Variants in ADGRE3 observed in about 807,000 individuals in gnomAD.
The protein encoded by ADGRE3 is adhesion G protein-coupled receptor E3.
ADGRE3 carries 88 observed loss-of-function variants against 80.1 expected under a neutral mutation model. That is an observed-to-expected ratio of 1.10 (90% CI 0.93 to 1.31). ADGRE3 has a LOEUF of 1.31. Among genes scored for constraint, ADGRE3 ranks in the 40% most tolerant of loss-of-function variants. The pLI, the probability that ADGRE3 is intolerant of heterozygous loss-of-function variation, is 0.00. For synonymous variants in ADGRE3, 281 were observed against 294.8 expected (o/e 0.95, Z 0.48); for missense variants, 715 against 776.5 (o/e 0.92, Z 0.94).
chr19:14,662,248 G>T (rs62124057), intron 3 of ADGRE3, 130 bp from the exon 4 acceptor site: 38,874 of 826,936 alleles, frequency 0.047, 1,141 homozygotes, highest in Non-Finnish European at 0.057. Flanking sequence ...TTTAGGTAAT[G>T]GTTATCTTGG....
intron 3 of ADGRE3, among the ~76,000 whole-genome samples, chr19:14,662,417 G>A (rs1413378891): frequency 2.0e-5 from 3 of 152,138 alleles, no homozygotes; most frequent in African/African-American, 4.8e-5. Context: ...ACGGAGTCTT[G>A]CTCTGTCATC....
the ADGRE3 span, among the ~76,000 whole-genome samples, chr19:14,605,894 A>G: frequency 6.6e-6 from 1 of 151,996 alleles, no homozygotes; most frequent in South Asian, 2.1e-4. Flanking sequence ...ACGCACCACC[A>G]CGTCTGGCTA....
At chr19:14,606,984 T>TATTTGCA in the ADGRE3 span, 2 of 1,269,296 alleles carry the variant, frequency 1.6e-6, no homozygotes, top group African/African-American at 3.1e-5. Flanking sequence ...ATGGAATTTT[T>TATTTGCA]ATTTGCAGAA....
intron 10 of ADGRE3, among the ~76,000 whole-genome samples, chr19:14,640,728 G>A (rs6511948): frequency 0.49 from 74,637 of 151,938 alleles, 18,635 homozygotes; most frequent in Non-Finnish European, 0.53. Context: ...ATGTTGTGGG[G>A]AGGACCCGGT....
downstream of ADGRE3, among the ~76,000 whole-genome samples, chr19:14,614,911 G>A (rs1404632500): frequency 9.7e-5 from 14 of 144,378 alleles, no homozygotes; most frequent in Non-Finnish European, 1.5e-4. Flanking sequence ...TTAAAGACAG[G>A]GTCTCACTCT....
chr19:14,640,072 G>A (rs1249410669), intron 10 of ADGRE3, among the ~76,000 whole-genome samples: 1 of 152,144 alleles, frequency 6.6e-6, no homozygotes, highest in Non-Finnish European at 1.5e-5. Flanking sequence ...ACATAAGTGA[G>A]ATCATGCACT....
In ADGRE3 at chr19:14,620,560, ATATATATATTTTTTTTTTT is replaced by A. The variant is rs1970564851; in HGVS notation, c.1921-1108_1921-1090del. Reference sequence around the variant, plus strand: ...TTTTATATATATATTATATATATATATATATATATTTTTTTTTTTTTTTTTTTTTTTTTTTTTGAGACAG... The same window carrying A: ...TTTTATATATATATTATATATATATATTTTTTTTTTTTTTTTTTGAGACAG... On this transcript the variant is annotated intron_variant, in intron 15 of 15. Coordinates refer to ENST00000253673, the MANE Select transcript of ADGRE3 (RefSeq NM_032571.5). Among the ~76,000 whole-genome samples, 16 of 23,690 alleles carry A rather than the reference ATATATATATTTTTTTTTTT, an allele frequency of 6.8e-4. 2 individuals carry two copies. The highest frequency in any genetic ancestry group is 9.0e-4 in the Non-Finnish European group (12 of 13,314). The allele number at this position is 23,690 out of a possible 152,430, so 15.5% of individuals were successfully genotyped here.
In ADGRE3 at chr19:14,644,171, A is replaced by G. The variant is rs1971333931; in HGVS notation, c.987T>C (p.Ser329=). Residue 329 remains serine, a synonymous_variant, in exon 9 of 16, where the codon AGT becomes AGC. Transcript: ENST00000253673. ...DGCFLIHVNK[S]HTMCNCSHLS... ...GGTGACTGCAATTACACATGGTGTG[A>G]CTCTTGTTCACGTGTATCAGGAAGC... 1 of 1,606,346 alleles carries G rather than the reference A, an allele frequency of 6.2e-7. No individual in the cohort carries two copies. The highest frequency in any genetic ancestry group is 1.7e-5 in the Admixed American group (1 of 58,752).
At position 14,633,292 on chromosome 19, in the gene ADGRE3, G is replaced by A; in HGVS notation, c.1495C>T (p.His499Tyr). 1.9e-6 allele frequency: 3 copies of A among 1,611,728 alleles called. No individual in the cohort carries two copies. Among genetic ancestry groups the A allele is most frequent in the Non-Finnish European group, 2.5e-6 (3 of 1,178,616 alleles). The change falls in exon 12 of 16, where the codon CAC (histidine) becomes TAC (tyrosine). Residue 499 changes from histidine (H) to tyrosine (Y), a missense_variant. Transcript: ENST00000253673. ...LYGTADRCWL[H>Y]LDQGFMWSFL... ...CTCCACATGAATCCCTGGTCCAGGT[G>A]GAGCCAGCATCTAGGAACAGTGGGA...
chr19:14,608,981 G>A, the ADGRE3 span, among the ~76,000 whole-genome samples: 9 of 152,006 alleles, frequency 5.9e-5, no homozygotes, highest in Non-Finnish European at 8.8e-5. Context: ...TGTAGTTTTA[G>A]TAGAGACGGG....
At chr19:14,661,421 G>A (rs1442582393) in intron 4 of ADGRE3, among the ~76,000 whole-genome samples, 1 of 152,130 alleles carries the variant, frequency 6.6e-6, no homozygotes, top group Non-Finnish European at 1.5e-5. Context: ...GTCCTTGCAG[G>A]GCATGGCTAC....
At chr19:14,607,434 A>G in the ADGRE3 span, among the ~76,000 whole-genome samples, 3 of 151,652 alleles carry the variant, frequency 2.0e-5, no homozygotes, top group Non-Finnish European at 4.4e-5. Flanking sequence ...TGATCTCCTG[A>G]CCTCGTGATC....
chr19:14,637,235 C>T (rs971193008), intron 11 of ADGRE3, among the ~76,000 whole-genome samples: 2 of 152,124 alleles, frequency 1.3e-5, no homozygotes, highest in Admixed American at 6.6e-5. Context: ...AGGCAGTTTC[C>T]GTCTCCTGAT....
intron 15 of ADGRE3, among the ~76,000 whole-genome samples, chr19:14,620,562 ATATATATTTTTTTTTTTTTTTT>A (rs1970567099): frequency 6.8e-4 from 15 of 22,074 alleles, no homozygotes; most frequent in East Asian, 5.1e-3. Context: ...ATATATATAT[ATATATATTTTTTTTTTTTTTTT>A]TTTTTTTTTT....
the ADGRE3 span, among the ~76,000 whole-genome samples, chr19:14,612,496 G>A: frequency 6.6e-6 from 1 of 152,062 alleles, no homozygotes; most frequent in Admixed American, 6.6e-5. Context: ...CACCGTGCCT[G>A]GTTAATTCTT....
chr19:14,646,819 G>T (rs1053456324), intron 8 of ADGRE3, among the ~76,000 whole-genome samples: 14 of 151,452 alleles, frequency 9.2e-5, no homozygotes, highest in Non-Finnish European at 1.9e-4. Context: ...GCCCCAGGCT[G>T]GAGTGCAGTG....
At chr19:14,635,991 TTCTC>T (rs910616551) in intron 11 of ADGRE3, among the ~76,000 whole-genome samples, 2 of 64,336 alleles carry the variant, frequency 3.1e-5, no homozygotes, top group Middle Eastern at 0.02. Context: ...AAGCTCTCCT[TTCTC>T]TCTCTTTCTC....
At chr19:14,674,225 G>A (rs946039036) in intron 1 of ADGRE3, among the ~76,000 whole-genome samples, 3 of 152,084 alleles carry the variant, frequency 2.0e-5, no homozygotes, top group South Asian at 2.1e-4. Flanking sequence ...GACCGGGTGC[G>A]GTGGCTCATG....
chr19:14,606,991 A>G, the ADGRE3 span: 1 of 1,275,522 alleles, frequency 7.8e-7, no homozygotes, highest in Non-Finnish European at 9.9e-7. Context: ...TTTTATTTGC[A>G]GAATTTTGTG....
Sources: gnomAD v4.1 joint callset for allele counts (sites outside exome capture counted in the v4.1 genomes callset) on GRCh38, gnomAD v4.1.1 for gene constraint, MANE v1.5 for transcripts, NCBI Gene and HGNC (gene_info 2026-07-23, HGNC 2026-07-21) for gene names.